GALNT2: variants seen among roughly 807,000 people sequenced by gnomAD.
GALNT2 encodes the protein UDP-GalNAc:polypeptide N-acetylgalactosaminyltransferase 2.
Under a neutral mutation model 81.4 loss-of-function variants are expected in GALNT2, and 31 were observed. The ratio of observed to expected loss-of-function variants is 0.38; its 90% CI spans 0.29 to 0.51. The LOEUF is 0.51. Ranked by LOEUF, GALNT2 falls within the 20% of genes least tolerant of loss-of-function variation. The probability of loss-of-function intolerance (pLI) is 0.87; values close to 1 mark genes in which losing one functional copy is unlikely to be tolerated. For synonymous variants in GALNT2, 303 were observed against 287.4 expected (o/e 1.05, Z -0.55); for missense variants, 629 against 765.7 (o/e 0.82, Z 2.11).
chr1:230,191,350 A>G (rs1312932591), intron 2 of GALNT2, among the ~76,000 whole-genome samples: 1 of 152,242 alleles, frequency 6.6e-6, no homozygotes, highest in African/African-American at 2.4e-5. Flanking sequence ...GAACATGTGC[A>G]GTAACTGTGG....
chr1:230,083,193 AGCCAGGATGATGGAGCGGGGGG>A (rs1442007478), intron 1 of GALNT2, among the ~76,000 whole-genome samples: 48 of 129,542 alleles, frequency 3.7e-4, no homozygotes, highest in African/African-American at 1.1e-3. Context: ...TGGAGCAGGG[AGCCAGGATGATGGAGCGGGGGG>A]GCCAGGATGA....
intron 1 of GALNT2, among the ~76,000 whole-genome samples, chr1:230,153,616 A>G (rs1662157044): frequency 1.3e-5 from 2 of 152,360 alleles, no homozygotes; most frequent in South Asian, 4.1e-4. Flanking sequence ...TTCACCAATC[A>G]TCAGGCCCCT....
intron 1 of GALNT2, among the ~76,000 whole-genome samples, chr1:230,121,522 TGAG>T (rs1661014988): frequency 6.6e-6 from 1 of 152,200 alleles, no homozygotes; most frequent in Non-Finnish European, 1.5e-5. Flanking sequence ...GTTACTTCTT[TGAG>T]GAGGAGAACC....
In GALNT2 at chr1:230,243,531, C is replaced by A; in HGVS notation, c.729+104C>A. 7.0e-7 allele frequency: 1 copy of A among 1,428,908 alleles called. No homozygotes were observed. The highest frequency in any genetic ancestry group is 9.3e-7 in the Non-Finnish European group (1 of 1,072,330). 88.5% of individuals were successfully genotyped at this position (1,428,908 alleles called of 1,614,324 possible). ...AGGTGTAACGCAGGGAGTAGGGCGT[C>A]AGGGCTGGTAGGGGCTGAGCTCGCC... On this transcript the variant is annotated intron_variant, in intron 7 of 15. Transcript: ENST00000366672. This position sits in a 1 kb window ranked among gnomAD's most constrained non-coding sequence, Gnocchi z 4.2.
At chr1:230,182,672 T>C in intron 2 of GALNT2, among the ~76,000 whole-genome samples, 1 of 152,226 alleles carries the variant, frequency 6.6e-6, no homozygotes, top group East Asian at 1.9e-4. Flanking sequence ...TTGGTGAATG[T>C]TCCATGTGAG....
chr1:230,120,391 T>C (rs1008252679), intron 1 of GALNT2, among the ~76,000 whole-genome samples: 1 of 152,052 alleles, frequency 6.6e-6, no homozygotes, highest in Non-Finnish European at 1.5e-5. Flanking sequence ...ATGTCAGCCA[T>C]CTCCAGGGCT....
At chr1:230,133,237 A>G (rs550629755) in intron 1 of GALNT2, among the ~76,000 whole-genome samples, 9 of 152,320 alleles carry the variant, frequency 5.9e-5, no homozygotes, top group African/African-American at 2.2e-4. Flanking sequence ...TCCTTGGAAT[A>G]GATTTCTAAA....
intron 1 of GALNT2, among the ~76,000 whole-genome samples, chr1:230,100,641 T>G (rs1660376050): frequency 6.6e-6 from 1 of 152,230 alleles, no homozygotes; most frequent in East Asian, 1.9e-4. Context: ...ATTCTTAAAA[T>G]AATCCTGTGA....
intron 8 of GALNT2, among the ~76,000 whole-genome samples, chr1:230,247,473 G>A (rs1427837800): frequency 1.3e-5 from 2 of 152,184 alleles, no homozygotes; most frequent in African/African-American, 2.4e-5. Context: ...GGGCATGCTT[G>A]GAGGACTGTA....
At chr1:230,133,487 A>T (rs987080175) in intron 1 of GALNT2, among the ~76,000 whole-genome samples, 3 of 147,586 alleles carry the variant, frequency 2.0e-5, no homozygotes, top group Non-Finnish European at 4.5e-5. Flanking sequence ...CACTCTGTCG[A>T]CCAGGCTGGA....
intron 6 of GALNT2, among the ~76,000 whole-genome samples, chr1:230,238,443 A>G (rs972832854): frequency 6.6e-6 from 1 of 152,216 alleles, no homozygotes; most frequent in African/African-American, 2.4e-5. Flanking sequence ...AAAAGCTGCT[A>G]AAATGATGCC....
intron 1 of GALNT2, among the ~76,000 whole-genome samples, chr1:230,163,689 A>C (rs916278727): frequency 6.6e-6 from 1 of 152,254 alleles, no homozygotes; most frequent in Non-Finnish European, 1.5e-5. Flanking sequence ...TCCCATCAGG[A>C]TCAAATGAGA....
intron 1 of GALNT2, among the ~76,000 whole-genome samples, chr1:230,108,627 A>G (rs1490772192): frequency 8.5e-5 from 13 of 152,212 alleles, no homozygotes; most frequent in Non-Finnish European, 1.5e-5. Context: ...TCGAAAATGC[A>G]TTTGATATAC....
intron 1 of GALNT2, among the ~76,000 whole-genome samples, chr1:230,167,276 G>A (rs1014502117): frequency 1.3e-5 from 2 of 152,082 alleles, no homozygotes; most frequent in African/African-American, 4.8e-5. Flanking sequence ...CTCCCAAGTA[G>A]CTGGGACTAC....
chr1:230,231,402 G>A (rs1211923539), intron 3 of GALNT2, among the ~76,000 whole-genome samples: 3 of 152,206 alleles, frequency 2.0e-5, no homozygotes, highest in African/African-American at 2.4e-5. Flanking sequence ...CACCTGGGGT[G>A]AGGGTGGGGC....
chr1:230,128,341 G>A (rs1435718763), intron 1 of GALNT2, among the ~76,000 whole-genome samples: 1 of 152,038 alleles, frequency 6.6e-6, no homozygotes, highest in Admixed American at 6.6e-5. Context: ...TGTGTTCTCC[G>A]ATGTTATATG....
At chr1:230,173,147 A>G (rs1445032240) in intron 1 of GALNT2, among the ~76,000 whole-genome samples, 1 of 152,222 alleles carries the variant, frequency 6.6e-6, no homozygotes, top group Non-Finnish European at 1.5e-5. Flanking sequence ...GTAGGAGAAG[A>G]CTTAGAGTTC....
At chr1:230,194,861 A>G (rs1248840644) in intron 2 of GALNT2, among the ~76,000 whole-genome samples, 1 of 152,184 alleles carries the variant, frequency 6.6e-6, no homozygotes, top group Admixed American at 6.5e-5. Flanking sequence ...GTGGCAGCCT[A>G]TTCCAGTGCG....
intron 1 of GALNT2, among the ~76,000 whole-genome samples, chr1:230,061,062 T>G (rs1659034975): frequency 6.6e-6 from 1 of 152,160 alleles, no homozygotes; most frequent in Admixed American, 6.5e-5. Flanking sequence ...AGAATGGTAT[T>G]TAGAAACCAA....
Sources: allele counts gnomAD v4.1 joint callset (sites outside exome capture counted in the v4.1 genomes callset), GRCh38; gene constraint gnomAD v4.1.1; non-coding constraint Gnocchi (gnomAD v3.1); transcripts MANE v1.5; gene names NCBI Gene and HGNC (gene_info 2026-07-23, HGNC 2026-07-21).